The following TYW1 variants were observed in gnomAD, a reference collection of about 807,000 sequenced individuals.
TYW1 encodes S-adenosyl-L-methionine-dependent tRNA 4-demethylwyosine synthase TYW1.
Under a neutral mutation model 96.2 loss-of-function variants are expected in TYW1, and 46 were observed. That is an observed-to-expected ratio of 0.48 (90% CI 0.38 to 0.61). The LOEUF is 0.61. Ranked by LOEUF, TYW1 falls within the 20% of genes least tolerant of loss-of-function variation. The pLI is 0.00. For synonymous variants in TYW1, 274 were observed against 323.0 expected (o/e 0.85, Z 1.63); for missense variants, 684 against 909.6 (o/e 0.75, Z 3.19).
chr7:67,181,023 G>T lies in TYW1; in HGVS notation c.1699-2103G>T, dbSNP rs866763170. Among the ~76,000 whole-genome samples, 74 of 152,030 alleles carry T rather than the reference G, an allele frequency of 4.9e-4. 1 individual carries two copies. Among genetic ancestry groups the T allele is most frequent in the Middle Eastern group, 6.8e-3 (2 of 294 alleles). Reference sequence around the variant, plus strand: ...TGGATTTTTTTTTTTTAATGTTAAGGATGTGTTTAATTAACTGAATTTACC... The same window carrying T: ...TGGATTTTTTTTTTTTAATGTTAAGTATGTGTTTAATTAACTGAATTTACC... On this transcript the variant is annotated intron_variant, in intron 13 of 15. Coordinates refer to ENST00000359626, the MANE Select transcript of TYW1 (RefSeq NM_018264.4).
chr7:67,060,307 C>T (rs931921762), intron 9 of TYW1, among the ~76,000 whole-genome samples: 3 of 152,186 alleles, frequency 2.0e-5, no homozygotes, highest in African/African-American at 7.2e-5. Context: ...AACTCCTGAC[C>T]TCAAGTGATC....
intron 4 of TYW1, among the ~76,000 whole-genome samples, chr7:67,011,316 G>C (rs1775227244): frequency 6.6e-6 from 1 of 152,260 alleles, no homozygotes; most frequent in Non-Finnish European, 1.5e-5. Context: ...GGGTTCACAG[G>C]CATGAGCCAC....
intron 13 of TYW1, among the ~76,000 whole-genome samples, chr7:67,169,432 G>A (rs1799451082): frequency 6.6e-6 from 1 of 151,722 alleles, no homozygotes; most frequent in African/African-American, 2.4e-5. Flanking sequence ...ATGGAGTCTC[G>A]CTCTGTTCCC....
At chr7:67,116,534 T>A (rs1289597858) in intron 12 of TYW1, among the ~76,000 whole-genome samples, 2 of 151,694 alleles carry the variant, frequency 1.3e-5, no homozygotes, top group Non-Finnish European at 2.9e-5. Flanking sequence ...AAAAAAATTT[T>A]AAAAATTAGC....
chr7:67,202,164 G>A (rs1240847747), intron 15 of TYW1, among the ~76,000 whole-genome samples: 21 of 152,098 alleles, frequency 1.4e-4, no homozygotes, highest in Admixed American at 8.5e-4. Flanking sequence ...TGATCTCGGA[G>A]TATGCAGATC....
At chr7:67,186,182 GC>G (rs1405195138) in intron 14 of TYW1, among the ~76,000 whole-genome samples, 4 of 144,766 alleles carry the variant, frequency 2.8e-5, no homozygotes, top group Non-Finnish European at 6.0e-5. Flanking sequence ...AAAGAATGCT[GC>G]CTCAAATTAT....
At chr7:67,110,545 T>C (rs1052716852) in intron 12 of TYW1, among the ~76,000 whole-genome samples, 5 of 152,082 alleles carry the variant, frequency 3.3e-5, no homozygotes, top group Non-Finnish European at 7.4e-5. Context: ...AACACAACAA[T>C]GAATATCGAA....
intron 7 of TYW1, among the ~76,000 whole-genome samples, chr7:67,034,531 G>A (rs1794773045): frequency 6.6e-6 from 1 of 152,010 alleles, no homozygotes; most frequent in African/African-American, 2.4e-5. Flanking sequence ...TATTCTTGCA[G>A]GTATTTTATT....
intron 13 of TYW1, among the ~76,000 whole-genome samples, chr7:67,120,632 T>C (rs1797733370): frequency 1.3e-5 from 2 of 152,222 alleles, no homozygotes; most frequent in Non-Finnish European, 2.9e-5. Flanking sequence ...AAATGGGAGT[T>C]AAACAGCAGG....
chr7:67,218,122 ATGCTG>A (rs1253127370), intron 15 of TYW1, among the ~76,000 whole-genome samples: 11 of 151,508 alleles, frequency 7.3e-5, no homozygotes, highest in African/African-American at 2.7e-4. Flanking sequence ...GCCTCCCAAA[ATGCTG>A]GGATTACAGG....
chr7:67,203,285 G>A (rs1419576856), intron 15 of TYW1, among the ~76,000 whole-genome samples: 1 of 152,120 alleles, frequency 6.6e-6, no homozygotes, highest in Non-Finnish European at 1.5e-5. Context: ...CATGGTATAT[G>A]TTTTTCTGTC....
Position 67,035,279 on chromosome 7 carries a change from C to T in TYW1, c.984+10257C>T, listed in dbSNP as rs191825947. Among the ~76,000 whole-genome samples, 4 of 152,044 alleles carry T rather than the reference C, an allele frequency of 2.6e-5. No individual in the cohort carries two copies. The East Asian group carries it at 7.7e-4, about 29-fold the overall frequency. ...GATTACAGGTGCATGCCACCATGCA[C>T]AACTAATTTGTATTTTTTATAGAGA... is the stretch of plus-strand genomic sequence containing the variant. On this transcript the variant is annotated intron_variant, in intron 7 of 15. Transcript: ENST00000359626.
At chr7:67,130,029 T>C (rs34043279) in intron 13 of TYW1, among the ~76,000 whole-genome samples, 1 of 152,044 alleles carries the variant, frequency 6.6e-6, no homozygotes, top group Non-Finnish European at 1.5e-5. Context: ...CAGAAGATAC[T>C]CTGTGTGTTG....
intron 15 of TYW1, among the ~76,000 whole-genome samples, chr7:67,215,403 A>G (rs1330044724): frequency 6.6e-6 from 1 of 151,912 alleles, no homozygotes; most frequent in East Asian, 1.9e-4. Context: ...ATAACTCCTC[A>G]GGCTATTAAA....
chr7:67,155,388 C>G (rs562213536), intron 13 of TYW1, among the ~76,000 whole-genome samples: 226 of 152,266 alleles, frequency 1.5e-3, no homozygotes, highest in Middle Eastern at 3.4e-3. Flanking sequence ...TTCGCTCTTG[C>G]TCCCACTCTC....
intron 14 of TYW1, among the ~76,000 whole-genome samples, chr7:67,187,741 T>C (rs899177688): frequency 3.9e-5 from 6 of 152,242 alleles, no homozygotes; most frequent in African/African-American, 1.4e-4. Flanking sequence ...CAGATGTATT[T>C]ATGTAAGAAA....
chr7:67,018,198 C>G, intron 6 of TYW1, 55 bp downstream of exon 6: 1 of 1,568,334 alleles, frequency 6.4e-7, no homozygotes, highest in Non-Finnish European at 8.7e-7. Flanking sequence ...TTGGAGATCT[C>G]GAGCTTGACC....
At position 67,195,424 on chromosome 7, in the gene TYW1, T is replaced by C. The variant is rs1281595772; in HGVS notation, c.1977+87T>C. The C allele has an allele frequency of 2.5e-6, 4 of 1,586,084 alleles. No homozygotes were observed. In the African/African-American group the frequency reaches 5.4e-5, roughly 22 times the overall value. ...CTCTCTTTATTTTCCTCTTACATTG[T>C]TATAGGGATTATCTGCTTGTTTGCT... On this transcript the variant is annotated intron_variant, in intron 15 of 15. Transcript: ENST00000359626.
chr7:67,042,782 A>C (rs1158228120), intron 7 of TYW1, among the ~76,000 whole-genome samples: 1 of 152,040 alleles, frequency 6.6e-6, no homozygotes, highest in Admixed American at 6.6e-5. Flanking sequence ...GGATCACCTG[A>C]GGTCTGGAGT....
Sources: gnomAD v4.1 joint callset for allele counts (sites outside exome capture counted in the v4.1 genomes callset) on GRCh38, gnomAD v4.1.1 for gene constraint, MANE v1.5 for transcripts, NCBI Gene and HGNC (gene_info 2026-07-23, HGNC 2026-07-21) for gene names.